LMBR1: variants seen among roughly 807,000 people sequenced by gnomAD.
LMBR1 encodes limb region 1 protein homolog.
In LMBR1, 52 loss-of-function variants were observed where a neutral mutation model predicts 73.9. That is an observed-to-expected ratio of 0.70 (90% CI 0.56 to 0.89). LMBR1 has a LOEUF of 0.89. Ranked by LOEUF, LMBR1 falls within the 40% of genes least tolerant of loss-of-function variation. The pLI is 0.00. For synonymous variants in LMBR1, 215 were observed against 209.4 expected (o/e 1.03, Z -0.23); for missense variants, 539 against 579.8 (o/e 0.93, Z 0.72).
At chr7:156,830,591 G>A (rs1836503998) in intron 3 of LMBR1, among the ~76,000 whole-genome samples, 1 of 152,216 alleles carries the variant, frequency 6.6e-6, no homozygotes, top group African/African-American at 2.4e-5. Context: ...CAACAGAAAA[G>A]TAACAAATTG....
chr7:156,797,211 T>C (rs1830191158), intron 4 of LMBR1, among the ~76,000 whole-genome samples: 1 of 152,178 alleles, frequency 6.6e-6, no homozygotes, highest in African/African-American at 2.4e-5. Context: ...TTTTCCTCCC[T>C]GGCACAAAAT....
At chr7:156,782,942 T>G (rs1207332109) in intron 5 of LMBR1, among the ~76,000 whole-genome samples, 1 of 152,218 alleles carries the variant, frequency 6.6e-6, no homozygotes, top group East Asian at 1.9e-4. Context: ...TGGATAGACT[T>G]TGGATGTCTA....
chr7:156,674,258 C>A (rs1227904289), downstream of LMBR1, among the ~76,000 whole-genome samples: 5 of 152,164 alleles, frequency 3.3e-5, no homozygotes. Context: ...TTATCTGCCA[C>A]CCCCCGGGCC....
At chr7:156,729,418 G>GATATATATAT (rs10676443) in intron 10 of LMBR1, among the ~76,000 whole-genome samples, 337 of 146,962 alleles carry the variant, frequency 2.3e-3, no homozygotes, top group African/African-American at 8.1e-3. Flanking sequence ...TCTACATATT[G>GATATATATAT]ATATATATAT....
downstream of LMBR1, chr7:156,677,760 G>T (rs1331877017): frequency 6.6e-6 from 1 of 152,188 alleles, no homozygotes; most frequent in African/African-American, 2.4e-5. Context: ...TATCATTTAT[G>T]AATAAATATG....
chr7:156,875,885 C>T (rs1800085434), intron 1 of LMBR1, among the ~76,000 whole-genome samples: 1 of 141,424 alleles, frequency 7.1e-6, no homozygotes, highest in African/African-American at 2.7e-5. Context: ...TCTCACAGGG[C>T]ATATAAAACA....
At chr7:156,776,914 A>G (rs1354862821) in intron 5 of LMBR1, among the ~76,000 whole-genome samples, 1 of 151,574 alleles carries the variant, frequency 6.6e-6, no homozygotes, top group African/African-American at 2.4e-5. Context: ...GGCTGACTTT[A>G]GCAATTTTCA....
chr7:156,730,470 A>G (rs952224122), intron 10 of LMBR1, among the ~76,000 whole-genome samples: 10 of 152,252 alleles, frequency 6.6e-5, no homozygotes, highest in Admixed American at 2.0e-4. Flanking sequence ...GGTCGTCATA[A>G]AGACTGAAGC....
At chr7:156,717,811 A>G (rs1257958921) in intron 15 of LMBR1, among the ~76,000 whole-genome samples, 1 of 152,192 alleles carries the variant, frequency 6.6e-6, no homozygotes, top group Non-Finnish European at 1.5e-5. Flanking sequence ...AAACAAAGTA[A>G]TACTCAGGTG....
chr7:156,750,892 T>C (rs771842570), intron 9 of LMBR1, among the ~76,000 whole-genome samples: 2 of 152,158 alleles, frequency 1.3e-5, no homozygotes, highest in African/African-American at 2.4e-5. Flanking sequence ...GGCAGATCGC[T>C]TAAGCCCAGG....
chr7:156,718,889 T>A (rs373213398), intron 15 of LMBR1, among the ~76,000 whole-genome samples: 139 of 152,166 alleles, frequency 9.1e-4, no homozygotes, highest in African/African-American at 1.8e-3. Flanking sequence ...AAAAATCAAT[T>A]TAATTGGATT....
intron 1 of LMBR1, among the ~76,000 whole-genome samples, chr7:156,850,111 C>G (rs143287628): frequency 1.3e-5 from 2 of 152,278 alleles, no homozygotes; most frequent in Admixed American, 6.5e-5. Context: ...TGAGGTGGGG[C>G]TTCAAAAGTG....
intron 15 of LMBR1, among the ~76,000 whole-genome samples, chr7:156,696,453 T>G (rs1808302386): frequency 6.6e-6 from 1 of 152,192 alleles, no homozygotes; most frequent in Admixed American, 6.5e-5. Context: ...TTGGTCCATT[T>G]TCATGATGCT....
chr7:156,690,690 T>C (rs921680611), intron 15 of LMBR1, among the ~76,000 whole-genome samples: 2 of 152,122 alleles, frequency 1.3e-5, no homozygotes, highest in African/African-American at 2.4e-5. Flanking sequence ...CAGGAGCCTG[T>C]TGCTATAGTG....
At chr7:156,829,347 G>C (rs938934346) in intron 3 of LMBR1, among the ~76,000 whole-genome samples, 2 of 152,204 alleles carry the variant, frequency 1.3e-5, no homozygotes, top group African/African-American at 4.8e-5. Flanking sequence ...AGTGTTGGAG[G>C]TGGGGCCTCA....
At chr7:156,708,784 T>C (rs1007324248) in intron 15 of LMBR1, among the ~76,000 whole-genome samples, 1 of 152,164 alleles carries the variant, frequency 6.6e-6, no homozygotes, top group Non-Finnish European at 1.5e-5. Flanking sequence ...CCATGCTTGC[T>C]TTCTCAGCGG....
Position 156,702,490 on chromosome 7 carries a change from T to G in LMBR1, c.1226-14299A>C, listed in dbSNP as rs368007307. ...TGAGGTTTGTTTTTTTCTTGTAAAT[T>G]TATCTAAGTTCCTTGTAGATTCTGG... On this transcript the variant is annotated intron_variant, in intron 15 of 16. Coordinates refer to ENST00000353442, the MANE Select transcript of LMBR1 (RefSeq NM_022458.4). Among the ~76,000 whole-genome samples the G allele has an allele frequency of 1.5e-4, 23 of 152,160 alleles. No individual in the cohort carries two copies. The East Asian group carries it at 1.9e-3, about 13-fold the overall frequency.
Position 156,893,034 on chromosome 7 carries a change from CT to C in LMBR1, c.-42del. ...CCGCCGCGCCGCCCGCGTCCGCGTG[CT>C]CCGCCACACCATCGTCCGCCCGCCG... is the stretch of plus-strand genomic sequence containing the variant. On this transcript the variant is annotated 5_prime_UTR_variant, in exon 1 of 17. It removes the in-frame stop codon of an upstream open reading frame in the 5' UTR. Coordinates refer to ENST00000353442, the MANE Select transcript of LMBR1 (RefSeq NM_022458.4). 1 of 1,442,050 alleles carries C rather than the reference CT, an allele frequency of 6.9e-7. No individual in the cohort carries two copies. Among genetic ancestry groups the C allele is most frequent in the Non-Finnish European group, 9.1e-7 (1 of 1,099,662 alleles). The allele number at this position is 1,442,050 out of a possible 1,614,324, so 89.3% of individuals were successfully genotyped here.
chr7:156,765,062 T>C (rs1823835439), intron 5 of LMBR1, among the ~76,000 whole-genome samples: 1 of 152,210 alleles, frequency 6.6e-6, no homozygotes, highest in Admixed American at 6.5e-5. Context: ...GATCTCATAG[T>C]AAGTAGCTAT....
Sources: gnomAD v4.1 joint callset for allele counts (sites outside exome capture counted in the v4.1 genomes callset) on GRCh38, gnomAD v4.1.1 for gene constraint, MANE v1.5 for transcripts, NCBI Gene and HGNC (gene_info 2026-07-23, HGNC 2026-07-21) for gene names.